The following STXBP4 variants were observed in gnomAD, a reference collection of about 807,000 sequenced individuals.
The protein encoded by STXBP4 is syntaxin binding protein 4.
Under a neutral mutation model 76.1 loss-of-function variants are expected in STXBP4, and 55 were observed. That is an observed-to-expected ratio of 0.72 (90% CI 0.58 to 0.91). The LOEUF (loss-of-function observed/expected upper bound fraction) is 0.91. Ranked by LOEUF, STXBP4 falls within the 40% of genes least tolerant of loss-of-function variation. The pLI, the probability that STXBP4 is intolerant of heterozygous loss-of-function variation, is 0.00. For missense variants in STXBP4, 618 were observed against 636.9 expected (o/e 0.97, Z 0.32); for synonymous variants, 201 against 220.2 (o/e 0.91, Z 0.77).
chr17:55,115,539 C>A (rs529744085), intron 16 of STXBP4, among the ~76,000 whole-genome samples: 29 of 151,820 alleles, frequency 1.9e-4, no homozygotes, highest in African/African-American at 6.7e-4. Context: ...TAATGCTTCC[C>A]AAATAGAAGT....
chr17:55,148,831 T>C (rs1452086090), intron 17 of STXBP4, among the ~76,000 whole-genome samples: 1 of 152,144 alleles, frequency 6.6e-6, no homozygotes, highest in African/African-American at 2.4e-5. Context: ...AGCACCTAGC[T>C]TATTTTGGCT....
At chr17:55,069,165 A>T (rs916777886) in intron 12 of STXBP4, among the ~76,000 whole-genome samples, 9 of 152,104 alleles carry the variant, frequency 5.9e-5, no homozygotes, top group East Asian at 1.9e-4. Context: ...AAAAAAAAAA[A>T]AAAAAAATAA....
In STXBP4 at chr17:55,172,458, A is replaced by T. The variant is rs981164703; in HGVS notation, c.*12547A>T. 6.6e-6 allele frequency: 1 copy of T among 152,216 alleles called. No individual in the cohort carries two copies. The highest frequency in any genetic ancestry group is 2.4e-5 in the African/African-American group (1 of 41,454). 9.4% of individuals were successfully genotyped at this position (152,216 alleles called of 1,614,324 possible). On this transcript the variant is annotated 3_prime_UTR_variant, in exon 18 of 18. Coordinates refer to ENST00000376352, the MANE Select transcript of STXBP4 (RefSeq NM_178509.6). ...AAACAAAAGTTACTTTCTTGGATGC[A>T]TATATTCTTATAGCCTCAAAACTGA... is the stretch of plus-strand genomic sequence containing the variant.
At chr17:55,181,717 A>G in the STXBP4 span, among the ~76,000 whole-genome samples, 4 of 152,228 alleles carry the variant, frequency 2.6e-5, no homozygotes, top group African/African-American at 9.6e-5. Context: ...GCTAAGACTG[A>G]TATCTGAAAG....
intron 7 of STXBP4, 120 bp from the exon 8 acceptor site, chr17:55,007,386 A>C: frequency 1.4e-6 from 1 of 736,864 alleles, no homozygotes; most frequent in Non-Finnish European, 2.3e-6. Flanking sequence ...CAAAACTAAA[A>C]GCTGCTAACT....
chr17:55,178,900 T>G, the STXBP4 span, among the ~76,000 whole-genome samples: 1 of 152,318 alleles, frequency 6.6e-6, no homozygotes, highest in Non-Finnish European at 1.5e-5. Flanking sequence ...TTTTACTCAT[T>G]CTATCCATTC....
chr17:55,121,199 A>G (rs956124191), intron 16 of STXBP4, among the ~76,000 whole-genome samples: 1 of 152,228 alleles, frequency 6.6e-6, no homozygotes, highest in Non-Finnish European at 1.5e-5. Context: ...TGCAAAGTTT[A>G]AGATATTAAG....
At chr17:55,090,581 T>A (rs2079398093) in intron 16 of STXBP4, among the ~76,000 whole-genome samples, 1 of 152,124 alleles carries the variant, frequency 6.6e-6, no homozygotes. Context: ...CTCTCTAAAT[T>A]CAAGCTTTTA....
chr17:54,992,870 A>G (rs759030170), intron 4 of STXBP4, among the ~76,000 whole-genome samples: 4 of 151,556 alleles, frequency 2.6e-5, no homozygotes, highest in Non-Finnish European at 5.9e-5. Context: ...GTGCCAACAC[A>G]CCTAACTAAT....
At chr17:54,970,641 T>A (rs1249387817) in intron 1 of STXBP4, among the ~76,000 whole-genome samples, 1 of 152,198 alleles carries the variant, frequency 6.6e-6, no homozygotes, top group African/African-American at 2.4e-5. Flanking sequence ...AGGATGAGAT[T>A]TCTCAAAGTT....
In STXBP4 at chr17:55,031,247, G is replaced by A. The variant is rs1019840762; in HGVS notation, c.746G>A (p.Gly249Glu). 6.8e-6 allele frequency: 11 copies of A among 1,611,970 alleles called. No homozygotes were observed. The highest frequency in any genetic ancestry group is 6.8e-6 in the Non-Finnish European group (8 of 1,178,446). ...CAGCAAGTACAAGCAGACTCAAAAG[G>A]GACAGTGTCTTTTGGAGGTAATATT... Reference protein sequence around the residue: ...LRQQVQADSKGTVSFGDFVQV... With the variant: ...LRQQVQADSKETVSFGDFVQV... Residue 249 changes from glycine to glutamate, a missense_variant, in exon 9 of 18, where the codon GGG becomes GAG. By Grantham distance (98) the Gly-to-Glu change is moderately conservative. Coordinates refer to ENST00000376352, the MANE Select transcript of STXBP4 (RefSeq NM_178509.6).
the STXBP4 span, among the ~76,000 whole-genome samples, chr17:55,204,267 GT>G: frequency 1.2e-4 from 18 of 151,628 alleles, no homozygotes; most frequent in African/African-American, 2.4e-4. Flanking sequence ...TAGTTCTACA[GT>G]TTTTTTTATT....
At chr17:55,146,206 T>C (rs1301116998) in intron 17 of STXBP4, among the ~76,000 whole-genome samples, 1 of 152,236 alleles carries the variant, frequency 6.6e-6, no homozygotes, top group Non-Finnish European at 1.5e-5. Flanking sequence ...TTTCTGTTGA[T>C]TCAGATTTAC....
intron 16 of STXBP4, among the ~76,000 whole-genome samples, chr17:55,108,558 C>G (rs1215870333): frequency 6.6e-6 from 1 of 152,206 alleles, no homozygotes; most frequent in African/African-American, 2.4e-5. Flanking sequence ...AGGTAATCTC[C>G]TGGTCTGTGG....
intron 17 of STXBP4, among the ~76,000 whole-genome samples, chr17:55,149,288 C>T (rs982546920): frequency 2.0e-5 from 3 of 152,102 alleles, no homozygotes; most frequent in African/African-American, 7.2e-5. Flanking sequence ...AAATATTTAT[C>T]GAATGAATAT....
At position 55,041,760 on chromosome 17, in the gene STXBP4, G is replaced by A. The variant is rs551781485; in HGVS notation, c.856-1476G>A. 2.0e-4 allele frequency among the ~76,000 whole-genome samples: 31 copies of A among 152,086 alleles called. No homozygotes were observed. In the South Asian group the frequency reaches 6.0e-3, roughly 30 times the overall value. On this transcript the variant is annotated intron_variant, in intron 10 of 17. Coordinates refer to ENST00000376352, the MANE Select transcript of STXBP4 (RefSeq NM_178509.6). ...ATACTTTTTTTTTGGCAGTTCAAAT[G>A]TTCTTTAGCATATTAAGGCTGTTGG...
chr17:55,118,323 C>CATT, intron 16 of STXBP4, among the ~76,000 whole-genome samples: 2 of 152,052 alleles, frequency 1.3e-5, no homozygotes, highest in Middle Eastern at 6.8e-3. Context: ...AGCCAACCAT[C>CATT]TAATGAGTTA....
chr17:55,117,465 C>T (rs148497174), intron 16 of STXBP4, among the ~76,000 whole-genome samples: 2 of 151,806 alleles, frequency 1.3e-5, no homozygotes, highest in African/African-American at 4.8e-5. Context: ...GGATCAATTC[C>T]AGGTCATTTG....
chr17:55,051,032 A>G (rs2078851997), intron 12 of STXBP4, among the ~76,000 whole-genome samples: 1 of 152,152 alleles, frequency 6.6e-6, no homozygotes, highest in Admixed American at 6.6e-5. Context: ...AAAATTGAAA[A>G]TACACCTGCC....
Sources: allele counts gnomAD v4.1 joint callset (sites outside exome capture counted in the v4.1 genomes callset), GRCh38; gene constraint gnomAD v4.1.1; transcripts MANE v1.5; gene names NCBI Gene and HGNC (gene_info 2026-07-23, HGNC 2026-07-21).